The following KCNQ1 variants were observed in gnomAD, a reference collection of about 807,000 sequenced individuals.
KCNQ1 encodes potassium voltage-gated channel subfamily Q member 1, also known as potassium voltage-gated channel subfamily KQT member 1.
A neutral mutation model predicts 72.4 loss-of-function variants in KCNQ1; 49 were observed. The ratio of observed to expected loss-of-function variants is 0.68; its 90% CI spans 0.54 to 0.86. The LOEUF (loss-of-function observed/expected upper bound fraction) is 0.86. KCNQ1 is among the 40% of genes least tolerant of loss of function. The pLI, the probability that KCNQ1 is intolerant of heterozygous loss-of-function variation, is 0.00. For missense variants in KCNQ1, 790 were observed against 945.1 expected, an observed-to-expected ratio of 0.84 and a Z score of 2.15; for synonymous variants, 450 against 412.6, an observed-to-expected ratio of 1.09 and a Z score of -1.10.
chr11:2,733,773 TCCACACACAC>T (rs1296928165), intron 11 of KCNQ1, among the ~76,000 whole-genome samples: 68 of 59,072 alleles, frequency 1.2e-3, no homozygotes, highest in East Asian at 5.9e-3. Flanking sequence ...CTTCAGGCCT[TCCACACACAC>T]ACACACACAC....
chr11:2,658,702 G>A lies in KCNQ1; in HGVS notation c.1394-3259G>A. ...AGAGCTAGGAAATATATGTATGTATGTAACCTGAGTACACATACATCTTTA... is the reference window on the plus strand; with the variant it reads ...AGAGCTAGGAAATATATGTATGTATATAACCTGAGTACACATACATCTTTA... On this transcript the variant is annotated intron_variant, in intron 10 of 15. Transcript: ENST00000155840. This position sits in a 1 kb window ranked among gnomAD's most constrained non-coding sequence, Gnocchi z 4.9. The A allele has an allele frequency of 2.5e-6, 1 of 398,496 alleles. No homozygotes were observed. The highest frequency in any genetic ancestry group is 4.4e-6 in the Non-Finnish European group (1 of 226,048). 24.7% of individuals were successfully genotyped at this position (398,496 alleles called of 1,614,324 possible).
At position 2,772,424 on chromosome 11, in the gene KCNQ1, G is replaced by A. The variant is rs1354459299; in HGVS notation, c.1590+3505G>A. ...AGTCTGGACAGGCCTGCATTATCTC[G>A]GCTCATCTCAGGCTCCTGAAGTCAG... On this transcript the variant is annotated intron_variant, in intron 12 of 15. Coordinates refer to ENST00000155840, the MANE Select transcript of KCNQ1 (RefSeq NM_000218.3). This position sits in a 1 kb window ranked among gnomAD's most constrained non-coding sequence, Gnocchi z 6.6. Among the ~76,000 whole-genome samples, 1 of 151,972 alleles carries A rather than the reference G, an allele frequency of 6.6e-6. No homozygotes were observed. The highest frequency in any genetic ancestry group is 2.4e-5 in the African/African-American group (1 of 41,350).
At chr11:2,689,021 G>A in intron 11 of KCNQ1, 1 of 398,852 alleles carries the variant, frequency 2.5e-6, no homozygotes, top group Non-Finnish European at 4.4e-6. Context: ...TGGAATCCTG[G>A]AGCCCTGGGC....
rs903925793 is a variant in KCNQ1 at position 2,734,433 on chromosome 11, G to A, written c.1515-34411G>A. 3.9e-5 allele frequency among the ~76,000 whole-genome samples: 6 copies of A among 152,210 alleles called. No individual in the cohort carries two copies. The highest frequency in any genetic ancestry group is 8.8e-5 in the Non-Finnish European group (6 of 68,036). ...CGCAGGTCGGGGGAGCACTGTCCCC[G>A]GGGCCCCGCAGCCAGCTGTGCTGGG... On this transcript the variant is annotated intron_variant, in intron 11 of 15. Transcript: ENST00000155840. The surrounding 1 kb of genome is among the most constrained non-coding windows in gnomAD (Gnocchi z 7.0).
intron 10 of KCNQ1, chr11:2,609,624 A>G (rs939822509): frequency 2.5e-6 from 1 of 398,318 alleles, no homozygotes; most frequent in South Asian, 1.3e-4. Flanking sequence ...GGAGTGTTGA[A>G]GTCTCCAACT....
intron 10 of KCNQ1, chr11:2,638,215 T>C (rs1021614918): frequency 6.6e-6 from 1 of 151,884 alleles, no homozygotes; most frequent in Middle Eastern, 3.4e-3. Context: ...ATTTGATCCA[T>C]TATGATGTTA....
chr11:2,461,646 G>A, intron 1 of KCNQ1: 15 of 1,366,462 alleles, frequency 1.1e-5, no homozygotes, highest in Non-Finnish European at 1.5e-5. Context: ...GGGAATTTGA[G>A]GCCTGTGGCT....
chr11:2,569,073 A>G (rs1848287859), intron 2 of KCNQ1, among the ~76,000 whole-genome samples: 1 of 151,992 alleles, frequency 6.6e-6, no homozygotes, highest in Non-Finnish European at 1.5e-5. Flanking sequence ...TTTAGTGGAG[A>G]CAGGGTTTCA....
intron 10 of KCNQ1, chr11:2,615,750 T>TAA: frequency 2.5e-6 from 1 of 398,126 alleles, no homozygotes; most frequent in Non-Finnish European, 4.4e-6. Context: ...TCATGATATA[T>TAA]AATCCTTTTT....
chr11:2,446,687 T>G lies in KCNQ1; in HGVS notation c.386+1203T>G, dbSNP rs1565023710. 6.6e-6 allele frequency among the ~76,000 whole-genome samples: 1 copy of G among 152,096 alleles called. No homozygotes were observed. Among genetic ancestry groups the G allele is most frequent in the Non-Finnish European group, 1.5e-5 (1 of 67,996 alleles). ...GGCCTTCCACATCAGGAAGGGGAAG[T>G]CTTACCCACCTCCCTCCTCAAAGAT... On this transcript the variant is annotated intron_variant, in intron 1 of 15. Transcript: ENST00000155840. This position sits in a 1 kb window ranked among gnomAD's most constrained non-coding sequence, Gnocchi z 8.8.
chr11:2,450,450 T>A lies in KCNQ1; in HGVS notation c.386+4966T>A. Among the ~76,000 whole-genome samples the A allele has an allele frequency of 6.6e-6, 1 of 152,132 alleles. No individual in the cohort carries two copies. The highest frequency in any genetic ancestry group is 1.9e-4 in the East Asian group (1 of 5,188). ...TGAATATCACCATCCTGGGCCACTT[T>A]GACCCAGACCCCAAGGATTTGGTTA... On this transcript the variant is annotated intron_variant, in intron 1 of 15. Coordinates refer to ENST00000155840, the MANE Select transcript of KCNQ1 (RefSeq NM_000218.3). This position sits in a 1 kb window ranked among gnomAD's most constrained non-coding sequence, Gnocchi z 7.9.
At chr11:2,718,034 G>A (rs1458379714) in intron 11 of KCNQ1, among the ~76,000 whole-genome samples, 1 of 152,220 alleles carries the variant, frequency 6.6e-6, no homozygotes, top group Non-Finnish European at 1.5e-5. Flanking sequence ...TTTTGTTGAT[G>A]GGTGTAGTCT....
In KCNQ1 at chr11:2,567,997, G is replaced by A. The variant is rs189364713; in HGVS notation, c.478-2631G>A. Reference sequence around the variant, plus strand: ...AGTGCATCAAAACAAGGTCAGGCGCGGTGGCTCACGCTTATAATCCCAGCA... The same window carrying A: ...AGTGCATCAAAACAAGGTCAGGCGCAGTGGCTCACGCTTATAATCCCAGCA... On this transcript the variant is annotated intron_variant, in intron 2 of 15. Coordinates refer to ENST00000155840, the MANE Select transcript of KCNQ1 (RefSeq NM_000218.3). The surrounding 1 kb of genome is among the most constrained non-coding windows in gnomAD (Gnocchi z 6.6). Among the ~76,000 whole-genome samples, 12 of 152,308 alleles carry A rather than the reference G, an allele frequency of 7.9e-5. No individual in the cohort carries two copies. Among genetic ancestry groups the A allele is most frequent in the African/African-American group, 1.4e-4 (6 of 41,572 alleles).
At chr11:2,794,845 C>T (rs1388248639) in intron 15 of KCNQ1, among the ~76,000 whole-genome samples, 3 of 152,102 alleles carry the variant, frequency 2.0e-5, no homozygotes. Flanking sequence ...CTCTCCCTAG[C>T]GGAGGGAAAG....
chr11:2,527,703 G>A (rs1197142659), intron 1 of KCNQ1, among the ~76,000 whole-genome samples: 1 of 152,256 alleles, frequency 6.6e-6, no homozygotes, highest in Admixed American at 6.5e-5. Flanking sequence ...ACCCATCCAC[G>A]TGGCAGCATG....
chr11:2,455,468 A>G (rs1271556533), intron 1 of KCNQ1, among the ~76,000 whole-genome samples: 1 of 152,214 alleles, frequency 6.6e-6, no homozygotes, highest in African/African-American at 2.4e-5. Context: ...TCCATTTATA[A>G]TAGACACAAA....
In KCNQ1 at chr11:2,475,379, C is replaced by T. The variant is rs1485932690; in HGVS notation, c.386+29895C>T. Among the ~76,000 whole-genome samples the T allele has an allele frequency of 4.6e-5, 7 of 152,262 alleles. No homozygotes were observed. In the East Asian group the frequency reaches 1.3e-3, roughly 29 times the overall value. ...GATGGACTACGTGCAGCTGTCTCTGCCTTTGGCTGTTGTGGCTAGAGGCTC... is the reference window on the plus strand; with the variant it reads ...GATGGACTACGTGCAGCTGTCTCTGTCTTTGGCTGTTGTGGCTAGAGGCTC... On this transcript the variant is annotated intron_variant, in intron 1 of 15. Transcript: ENST00000155840. The surrounding 1 kb of genome is among the most constrained non-coding windows in gnomAD (Gnocchi z 5.8).
intron 15 of KCNQ1, among the ~76,000 whole-genome samples, chr11:2,841,586 T>G (rs1040457496): frequency 6.6e-6 from 1 of 152,142 alleles, no homozygotes; most frequent in East Asian, 1.9e-4. Flanking sequence ...CGGGCCGGCT[T>G]GGGAGGAATC....
At chr11:2,524,580 G>A (rs1051675815) in intron 1 of KCNQ1, among the ~76,000 whole-genome samples, 1 of 152,228 alleles carries the variant, frequency 6.6e-6, no homozygotes, top group African/African-American at 2.4e-5. Context: ...AGCACTTCCT[G>A]TTGCTGAACA....
Sources: gnomAD v4.1 joint callset for allele counts (sites outside exome capture counted in the v4.1 genomes callset) on GRCh38, gnomAD v4.1.1 for gene constraint, Gnocchi (gnomAD v3.1) non-coding constraint, MANE v1.5 for transcripts, NCBI Gene and HGNC (gene_info 2026-07-23, HGNC 2026-07-21) for gene names.